IPO11: variants seen among roughly 807,000 people sequenced by gnomAD.
IPO11 encodes the protein importin-11.
IPO11 carries 66 observed loss-of-function variants against 143.2 expected under a neutral mutation model. The ratio of observed to expected loss-of-function variants is 0.46; its 90% CI spans 0.38 to 0.57. The LOEUF is 0.57. Ranked by LOEUF, IPO11 falls within the 20% of genes least tolerant of loss-of-function variation. The pLI, the probability that IPO11 is intolerant of heterozygous loss-of-function variation, is 0.00. For missense variants in IPO11, 1,026 were observed against 1,141.0 expected (o/e 0.90, Z 1.45); for synonymous variants, 385 against 377.8 (o/e 1.02, Z -0.22).
intron 16 of IPO11, among the ~76,000 whole-genome samples, chr5:62,501,939 C>T (rs987627049): frequency 6.6e-6 from 1 of 152,134 alleles, no homozygotes. Context: ...ACACCATGCT[C>T]ACTGTTTTAG....
chr5:62,493,217 A>T (rs539025371), intron 15 of IPO11, among the ~76,000 whole-genome samples: 1 of 152,234 alleles, frequency 6.6e-6, no homozygotes, highest in Non-Finnish European at 1.5e-5. Context: ...AATTTATATG[A>T]AAGTTTTATA....
intron 26 of IPO11, chr5:62,560,554 A>G (rs1561363288): frequency 2.0e-5 from 3 of 152,278 alleles, no homozygotes; most frequent in Admixed American, 1.3e-4. Flanking sequence ...TGACCAAACA[A>G]CTGAGCACCT....
At chr5:62,592,563 A>T (rs900207071) in intron 28 of IPO11, among the ~76,000 whole-genome samples, 12 of 152,126 alleles carry the variant, frequency 7.9e-5, no homozygotes, top group Non-Finnish European at 1.8e-4. Flanking sequence ...GTAAGGGTTT[A>T]TGGCTGTATT....
intron 28 of IPO11, 112 bp downstream of exon 28, chr5:62,591,784 C>T (rs1415177883): frequency 5.1e-6 from 3 of 589,854 alleles, no homozygotes; most frequent in South Asian, 3.0e-5. Flanking sequence ...TTTATAATTT[C>T]TCTTTTATAC....
intron 26 of IPO11, among the ~76,000 whole-genome samples, chr5:62,554,303 T>C (rs1008623997): frequency 6.6e-6 from 1 of 152,178 alleles, no homozygotes; most frequent in African/African-American, 2.4e-5. Flanking sequence ...TGTCTATTTT[T>C]CCTTTTGTTG....
At chr5:62,502,041 A>G (rs1372937284) in intron 16 of IPO11, among the ~76,000 whole-genome samples, 1 of 152,192 alleles carries the variant, frequency 6.6e-6, no homozygotes, top group East Asian at 1.9e-4. Context: ...GATAAGATGC[A>G]TTCGTTGTGA....
At chr5:62,499,825 C>G (rs1390856719) in intron 16 of IPO11, among the ~76,000 whole-genome samples, 1 of 152,018 alleles carries the variant, frequency 6.6e-6, no homozygotes, top group Non-Finnish European at 1.5e-5. Context: ...TTTTCCACTT[C>G]TAGTAATTTT....
chr5:62,519,260 T>C (rs1742129696), intron 20 of IPO11, among the ~76,000 whole-genome samples: 2 of 152,206 alleles, frequency 1.3e-5, no homozygotes, highest in African/African-American at 4.8e-5. Flanking sequence ...GTTTATATAT[T>C]GATCAGTTTT....
chr5:62,435,182 A>ATATGTG (rs1744164723), intron 1 of IPO11, among the ~76,000 whole-genome samples: 1 of 101,056 alleles, frequency 9.9e-6, no homozygotes, highest in African/African-American at 4.5e-5. Context: ...GTATATATGT[A>ATATGTG]TATATATGTA....
intron 29 of IPO11, among the ~76,000 whole-genome samples, chr5:62,609,905 C>T (rs143716138): frequency 2.2e-4 from 33 of 152,344 alleles, no homozygotes; most frequent in East Asian, 7.7e-4. Context: ...GAGGTCAACT[C>T]GTAGTCACAT....
chr5:62,603,597 C>T (rs969039226), intron 29 of IPO11, among the ~76,000 whole-genome samples: 1 of 152,190 alleles, frequency 6.6e-6, no homozygotes, highest in African/African-American at 2.4e-5. Flanking sequence ...ACAGGGTGCA[C>T]TTGCACACAC....
At chr5:62,475,686 A>G (rs1745932483) in intron 8 of IPO11, among the ~76,000 whole-genome samples, 1 of 152,208 alleles carries the variant, frequency 6.6e-6, no homozygotes, top group African/African-American at 2.4e-5. Context: ...TTTGTTGCAT[A>G]TCACTGTGAT....
intron 29 of IPO11, among the ~76,000 whole-genome samples, chr5:62,612,786 C>G (rs1745973701): frequency 6.6e-6 from 1 of 152,092 alleles, no homozygotes; most frequent in African/African-American, 2.4e-5. Flanking sequence ...TATTAAGGGC[C>G]TTGAGGCCAA....
chr5:62,522,812 A>G (rs570747443), intron 20 of IPO11, among the ~76,000 whole-genome samples: 3 of 152,306 alleles, frequency 2.0e-5, no homozygotes, highest in South Asian at 2.1e-4. Context: ...AGCTGGTTTT[A>G]TTCTGGTTCA....
chr5:62,600,780 C>CAAA (rs1306152352), intron 28 of IPO11, among the ~76,000 whole-genome samples: 2 of 152,170 alleles, frequency 1.3e-5, no homozygotes, highest in East Asian at 3.8e-4. Flanking sequence ...CTTCTGATTT[C>CAAA]TAGCCTAAGG....
At chr5:62,519,613 T>C (rs935728007) in intron 20 of IPO11, among the ~76,000 whole-genome samples, 1 of 152,232 alleles carries the variant, frequency 6.6e-6, no homozygotes, top group Non-Finnish European at 1.5e-5. Context: ...TTATACATAG[T>C]GTTTCCAACC....
chr5:62,451,960 G>A, intron 5 of IPO11, 27 bp downstream of exon 5: 1 of 1,584,594 alleles, frequency 6.3e-7, no homozygotes, highest in Non-Finnish European at 8.7e-7. Flanking sequence ...AGTTAAATTT[G>A]ATTATGAAAA....
chr5:62,419,852 G>C (rs1419656762), intron 1 of IPO11, among the ~76,000 whole-genome samples: 1 of 152,020 alleles, frequency 6.6e-6, no homozygotes, highest in Non-Finnish European at 1.5e-5. Flanking sequence ...AAATTAGCAT[G>C]GCATGATGGC....
chr5:62,549,841 A>G (rs951739181), intron 24 of IPO11, among the ~76,000 whole-genome samples: 2 of 152,258 alleles, frequency 1.3e-5, no homozygotes, highest in Non-Finnish European at 2.9e-5. Flanking sequence ...ACTGATCTGT[A>G]TAATTATGAA....
Sources: gnomAD v4.1 joint callset for allele counts (sites outside exome capture counted in the v4.1 genomes callset) on GRCh38, gnomAD v4.1.1 for gene constraint, MANE v1.5 for transcripts, NCBI Gene and HGNC (gene_info 2026-07-23, HGNC 2026-07-21) for gene names.